The following GAP43 variants were observed in gnomAD, a reference collection of about 807,000 sequenced individuals.
GAP43 encodes neuromodulin.
A neutral mutation model predicts 18.6 loss-of-function variants in GAP43; 6 were observed. The ratio of observed to expected loss-of-function variants is 0.32; its 90% CI spans 0.18 to 0.64. GAP43 has a LOEUF of 0.64. Among genes scored for constraint, GAP43 ranks in the 30% least tolerant of loss-of-function variants. GAP43 has a pLI of 0.78. For synonymous variants in GAP43, 115 were observed against 111.4 expected (o/e 1.03, Z -0.20); for missense variants, 292 against 295.5 (o/e 0.99, Z 0.09).
intron 2 of GAP43, among the ~76,000 whole-genome samples, chr3:115,679,272 T>C (rs73858059): frequency 0.014 from 2,186 of 152,240 alleles, 38 homozygotes; most frequent in African/African-American, 0.049. Flanking sequence ...ATTTTAGATA[T>C]GATTATTACT....
rs1034475990 is a variant in GAP43 at position 115,720,962 on chromosome 3, C to T, written c.*80C>T. The T allele has an allele frequency of 5.9e-5, 54 of 909,452 alleles. No individual in the cohort carries two copies. Among genetic ancestry groups the T allele is most frequent in the Non-Finnish European group, 8.9e-5 (51 of 570,216 alleles). The allele number at this position is 909,452 out of a possible 1,614,324, so 56.3% of individuals were successfully genotyped here. A position where few individuals can be genotyped will look rare whatever the true frequency, so the allele number is the denominator to read the frequency against. ...TCCCTACCCTCTTCTCAGCTCCACT[C>T]TGAAGTCCCTTCCTGTCCTGCTCAC... On this transcript the variant is annotated 3_prime_UTR_variant, in exon 3 of 3. Coordinates refer to ENST00000305124, the MANE Select transcript of GAP43 (RefSeq NM_002045.4).
chr3:115,657,587 C>G (rs1708599832), intron 1 of GAP43, among the ~76,000 whole-genome samples: 2 of 152,166 alleles, frequency 1.3e-5, no homozygotes, highest in African/African-American at 4.8e-5. Context: ...GAGAAGCTAT[C>G]AGGTACAAGT....
At chr3:115,664,633 T>C (rs2107482902) in intron 1 of GAP43, among the ~76,000 whole-genome samples, 1 of 152,322 alleles carries the variant, frequency 6.6e-6, no homozygotes, top group Admixed American at 6.5e-5. Flanking sequence ...AATCAATGAA[T>C]GTCAATGACA....
chr3:115,673,650 T>C (rs1708840695), intron 1 of GAP43, among the ~76,000 whole-genome samples: 1 of 152,204 alleles, frequency 6.6e-6, no homozygotes, highest in South Asian at 2.1e-4. Context: ...AGGGTTATGC[T>C]TCCATCTCTG....
At chr3:115,688,375 A>G (rs1257991834) in intron 2 of GAP43, among the ~76,000 whole-genome samples, 1 of 152,164 alleles carries the variant, frequency 6.6e-6, no homozygotes, top group African/African-American at 2.4e-5. Flanking sequence ...ATAGGCTAAT[A>G]ATGCAGTAAT....
chr3:115,651,966 C>A (rs1708523672), intron 1 of GAP43, among the ~76,000 whole-genome samples: 1 of 152,154 alleles, frequency 6.6e-6, no homozygotes, highest in Non-Finnish European at 1.5e-5. Flanking sequence ...AAAACATGAT[C>A]TTAGTTTTTC....
chr3:115,709,148 T>A (rs1289898386), intron 2 of GAP43, among the ~76,000 whole-genome samples: 1 of 152,132 alleles, frequency 6.6e-6, no homozygotes, highest in Non-Finnish European at 1.5e-5. Flanking sequence ...CTGCCTTTTA[T>A]TTTGATTAGT....
intron 1 of GAP43, among the ~76,000 whole-genome samples, chr3:115,632,144 C>G (rs1708267157): frequency 6.6e-6 from 1 of 152,016 alleles, no homozygotes; most frequent in Non-Finnish European, 1.5e-5. Flanking sequence ...GCTAAGTTTG[C>G]TGCCTCCCCC....
intron 1 of GAP43, among the ~76,000 whole-genome samples, chr3:115,626,603 G>T (rs1241681164): frequency 6.6e-6 from 1 of 152,088 alleles, no homozygotes; most frequent in Admixed American, 6.6e-5. Context: ...TAGCTTAATT[G>T]CCATGTGTAT....
intron 2 of GAP43, among the ~76,000 whole-genome samples, chr3:115,692,920 A>C (rs1467583065): frequency 1.3e-5 from 2 of 152,208 alleles, no homozygotes; most frequent in Non-Finnish European, 2.9e-5. Context: ...AAGGACCAAA[A>C]AATCAAAATT....
chr3:115,673,370 C>A (rs1708838599), intron 1 of GAP43, among the ~76,000 whole-genome samples: 1 of 152,158 alleles, frequency 6.6e-6, no homozygotes, highest in Non-Finnish European at 1.5e-5. Flanking sequence ...TCCCCCTACT[C>A]CTTATGTTCA....
intron 1 of GAP43, among the ~76,000 whole-genome samples, chr3:115,643,118 G>T (rs1024794598): frequency 8.6e-5 from 13 of 152,014 alleles, no homozygotes; most frequent in African/African-American, 2.7e-4. Flanking sequence ...AAAAATTTCA[G>T]GCTGCCTCTA....
chr3:115,704,452 T>TTTTC (rs1382435975), intron 2 of GAP43, among the ~76,000 whole-genome samples: 1 of 152,120 alleles, frequency 6.6e-6, no homozygotes, highest in Non-Finnish European at 1.5e-5. Context: ...TCTCCACTTA[T>TTTTC]TTTCTTTCTG....
At chr3:115,659,747 TA>T (rs2107480040) in intron 1 of GAP43, among the ~76,000 whole-genome samples, 1 of 152,284 alleles carries the variant, frequency 6.6e-6, no homozygotes, top group Non-Finnish European at 1.5e-5. Context: ...AGAGAGACAA[TA>T]CTGCATCTGC....
At chr3:115,654,882 C>G (rs2118604) in intron 1 of GAP43, among the ~76,000 whole-genome samples, 113,053 of 152,034 alleles carry the variant, frequency 0.74, 42,138 homozygotes, top group Middle Eastern at 0.79. Flanking sequence ...GGTCTCATTA[C>G]TGTCTATTAC....
At chr3:115,701,384 G>A (rs189686327) in intron 2 of GAP43, among the ~76,000 whole-genome samples, 12 of 151,798 alleles carry the variant, frequency 7.9e-5, no homozygotes, top group East Asian at 3.9e-4. Context: ...TTGTTATTCC[G>A]GGGGTAGGGT....
intron 1 of GAP43, chr3:115,658,418 T>C (rs957587318): frequency 6.6e-6 from 1 of 152,284 alleles, no homozygotes; most frequent in Non-Finnish European, 1.5e-5. Context: ...ATGAGGCCCT[T>C]TTCGCGTCTC....
At chr3:115,704,599 A>T (rs1435960360) in intron 2 of GAP43, among the ~76,000 whole-genome samples, 2 of 152,128 alleles carry the variant, frequency 1.3e-5, no homozygotes, top group African/African-American at 4.8e-5. Flanking sequence ...GCAAAATTAT[A>T]TTGAATTACC....
chr3:115,694,100 C>T (rs549096824), intron 2 of GAP43, among the ~76,000 whole-genome samples: 72 of 152,192 alleles, frequency 4.7e-4, no homozygotes, highest in Non-Finnish European at 8.7e-4. Flanking sequence ...CATTTGTCCC[C>T]GTCACTTGCA....
Sources: allele counts gnomAD v4.1 joint callset (sites outside exome capture counted in the v4.1 genomes callset), GRCh38; gene constraint gnomAD v4.1.1; transcripts MANE v1.5; gene names NCBI Gene and HGNC (gene_info 2026-07-23, HGNC 2026-07-21).